ACOXL: variants seen among roughly 807,000 people sequenced by gnomAD.
ACOXL encodes the protein acyl-coenzyme A oxidase-like protein.
A neutral mutation model predicts 71.9 loss-of-function variants in ACOXL; 70 were observed. That is an observed-to-expected ratio of 0.97 (90% CI 0.80 to 1.19). ACOXL has a LOEUF of 1.19. Ranked by LOEUF, ACOXL falls within the 50% of genes most tolerant of loss-of-function variation. ACOXL has a pLI of 0.00. For missense variants in ACOXL, 703 were observed against 736.3 expected (o/e 0.95, Z 0.52); for synonymous variants, 253 against 281.6 (o/e 0.90, Z 1.02).
At chr2:110,797,736 A>G (rs1024347857) in intron 5 of ACOXL, among the ~76,000 whole-genome samples, 1 of 152,228 alleles carries the variant, frequency 6.6e-6, no homozygotes, top group African/African-American at 2.4e-5. Context: ...GGGACAAGCC[A>G]TCTAAGGGCC....
At chr2:110,955,066 T>C (rs2061447802) in intron 12 of ACOXL, among the ~76,000 whole-genome samples, 1 of 152,238 alleles carries the variant, frequency 6.6e-6, no homozygotes, top group Non-Finnish European at 1.5e-5. Context: ...CACTATAATA[T>C]GTATAAATAT....
chr2:110,937,379 A>ATT (rs3059310), intron 12 of ACOXL, among the ~76,000 whole-genome samples: 1 of 151,770 alleles, frequency 6.6e-6, no homozygotes, highest in South Asian at 2.1e-4. Flanking sequence ...TGCTTCTAGC[A>ATT]CCTATCACTC....
chr2:110,776,124 C>T (rs563960027), intron 2 of ACOXL, among the ~76,000 whole-genome samples: 1 of 152,264 alleles, frequency 6.6e-6, no homozygotes, highest in Admixed American at 6.5e-5. Context: ...TGCTATAACA[C>T]GTATGAACCT....
At chr2:110,875,711 G>T (rs1435631229) in intron 10 of ACOXL, among the ~76,000 whole-genome samples, 1 of 152,220 alleles carries the variant, frequency 6.6e-6, no homozygotes, top group Non-Finnish European at 1.5e-5. Context: ...AGCTCTGCCT[G>T]ATCCTGGTGC....
chr2:110,861,853 T>C (rs1693994918), intron 10 of ACOXL, among the ~76,000 whole-genome samples: 1 of 152,176 alleles, frequency 6.6e-6, no homozygotes, highest in African/African-American at 2.4e-5. Context: ...TGCCCAGCAT[T>C]GTTTTGCTGT....
chr2:110,998,495 T>C (rs564269015), intron 14 of ACOXL, among the ~76,000 whole-genome samples: 1 of 152,358 alleles, frequency 6.6e-6, no homozygotes, highest in African/African-American at 2.4e-5. Flanking sequence ...GTTTAAAAAG[T>C]TCCCACTGCG....
At chr2:110,772,876 A>G (rs1022340616) in intron 2 of ACOXL, among the ~76,000 whole-genome samples, 19 of 152,370 alleles carry the variant, frequency 1.2e-4, no homozygotes, top group African/African-American at 4.3e-4. Context: ...ATGGCACAAA[A>G]GCAGTTATGA....
At chr2:110,996,490 G>C (rs928297914) in intron 14 of ACOXL, among the ~76,000 whole-genome samples, 4 of 152,162 alleles carry the variant, frequency 2.6e-5, no homozygotes, top group Admixed American at 2.6e-4. Flanking sequence ...TTTCCACCAA[G>C]TACAGTGCCA....
intron 14 of ACOXL, among the ~76,000 whole-genome samples, chr2:111,019,621 C>T (rs1341329040): frequency 3.3e-5 from 5 of 152,242 alleles, no homozygotes; most frequent in Non-Finnish European, 4.4e-5. Context: ...CCGTTTCCCA[C>T]TCCTGGAACT....
At chr2:110,752,931 C>T (rs1679196420) in intron 1 of ACOXL, among the ~76,000 whole-genome samples, 1 of 152,086 alleles carries the variant, frequency 6.6e-6, no homozygotes, top group Non-Finnish European at 1.5e-5. Flanking sequence ...TTGACTGGGG[C>T]TGGAAGAGCC....
intron 14 of ACOXL, among the ~76,000 whole-genome samples, chr2:111,022,005 G>A (rs7589967): frequency 0.3 from 45,195 of 152,086 alleles, 7,165 homozygotes; most frequent in Non-Finnish European, 0.34. Context: ...ACCAGAGAGA[G>A]AGAGATGAAA....
chr2:110,943,561 A>G (rs536454240), intron 12 of ACOXL, among the ~76,000 whole-genome samples: 1 of 152,260 alleles, frequency 6.6e-6, no homozygotes, highest in South Asian at 2.1e-4. Context: ...GTACAGAATG[A>G]GCAGAAGTCA....
At chr2:110,854,532 C>G (rs562861255) in intron 10 of ACOXL, among the ~76,000 whole-genome samples, 1 of 152,286 alleles carries the variant, frequency 6.6e-6, no homozygotes, top group South Asian at 2.1e-4. Flanking sequence ...TTTGTTTGCT[C>G]TCCACCAGCA....
At chr2:111,089,975 G>A (rs2150010671) in intron 16 of ACOXL, among the ~76,000 whole-genome samples, 1 of 152,298 alleles carries the variant, frequency 6.6e-6, no homozygotes, top group South Asian at 2.1e-4. Context: ...GTGTTAAGAG[G>A]AGATTGACGA....
intron 14 of ACOXL, among the ~76,000 whole-genome samples, chr2:111,027,334 T>A (rs1352799457): frequency 2.6e-5 from 4 of 151,946 alleles, no homozygotes; most frequent in Admixed American, 6.5e-5. Context: ...TCTTTTTTTT[T>A]TTTTTGAGAC....
intron 17 of ACOXL, chr2:111,100,041 G>C (rs553280945): frequency 6.6e-6 from 1 of 152,286 alleles, no homozygotes; most frequent in South Asian, 2.1e-4. Flanking sequence ...CTGAACTCCT[G>C]GACACAGCTG....
At chr2:110,948,418 G>T (rs111494013) in intron 12 of ACOXL, among the ~76,000 whole-genome samples, 225 of 152,286 alleles carry the variant, frequency 1.5e-3, no homozygotes, top group Middle Eastern at 6.8e-3. Context: ...ACTCCTCAGG[G>T]ACATTCAACA....
intron 12 of ACOXL, among the ~76,000 whole-genome samples, chr2:110,966,382 C>T (rs919775383): frequency 1.3e-5 from 2 of 152,238 alleles, no homozygotes. Context: ...TCTACTCCCA[C>T]CTGATGTCGA....
intron 12 of ACOXL, among the ~76,000 whole-genome samples, chr2:110,951,795 T>A (rs2061343044): frequency 6.6e-6 from 1 of 152,252 alleles, no homozygotes; most frequent in Non-Finnish European, 1.5e-5. Context: ...ACAGATTTTC[T>A]AATGTTAACA....
Sources: allele counts gnomAD v4.1 joint callset (sites outside exome capture counted in the v4.1 genomes callset), GRCh38; gene constraint gnomAD v4.1.1; transcripts MANE v1.5; gene names NCBI Gene and HGNC (gene_info 2026-07-23, HGNC 2026-07-21).